CCDC92: variants seen among roughly 807,000 people sequenced by gnomAD.
The protein encoded by CCDC92 is coiled-coil domain-containing protein 92.
In CCDC92, 12 loss-of-function variants were observed where a neutral mutation model predicts 24.9. The observed-to-expected ratio is 0.48, with a 90% CI of 0.31 to 0.78. The LOEUF (loss-of-function observed/expected upper bound fraction) is 0.78, where lower values mean the gene tolerates loss of function less well. Among genes scored for constraint, CCDC92 ranks in the 30% least tolerant of loss-of-function variants. CCDC92 has a pLI of 0.05. For synonymous variants in CCDC92, 193 were observed against 196.3 expected (o/e 0.98, Z 0.14); for missense variants, 399 against 439.4 (o/e 0.91, Z 0.82).
chr12:123,936,945 C>T lies in CCDC92; in HGVS notation c.*113G>A, dbSNP rs1955515185. 5.1e-6 allele frequency: 6 copies of T among 1,165,300 alleles called. No homozygotes were observed. The highest frequency in any genetic ancestry group is 1.5e-5 in the African/African-American group (1 of 65,954). The allele number at this position is 1,165,300 out of a possible 1,614,324, so 72.2% of individuals were successfully genotyped here. A position where few individuals can be genotyped will look rare whatever the true frequency, so the allele number is the denominator to read the frequency against. On this transcript the variant is annotated 3_prime_UTR_variant, in exon 5 of 5. Coordinates refer to ENST00000238156, the MANE Select transcript of CCDC92 (RefSeq NM_025140.3). ...CAAGAGAAGCAGAAGGAGAATGGGT[C>T]GGTAGGTGTGAAAAGTGTTTGGCAT...
rs1955753264 is a variant in CCDC92 at position 123,943,491 on chromosome 12, G to A, written c.37C>T (p.Pro13Ser). The A allele has an allele frequency of 3.7e-6, 6 of 1,614,006 alleles. No individual in the cohort carries two copies. The Admixed American group carries it at 8.3e-5, about 22-fold the overall frequency. Residue 13 changes from proline to serine, a missense_variant and splice_region_variant, in exon 3 of 5, where the codon CCT (proline) becomes TCT (serine). Transcript: ENST00000238156. ...SPHFSSYDEG[P>S]LDVSMAATNL... ...GTGGCTGCCATGCTGACATCCAGAG[G>A]ACCTGTGGGTAACACAGACCCTGGC...
chr12:123,942,576 C>T (rs1348602631), intron 4 of CCDC92, among the ~76,000 whole-genome samples, 168 bp downstream of exon 4: 2 of 152,198 alleles, frequency 1.3e-5, no homozygotes, highest in Non-Finnish European at 2.9e-5. Context: ...ACTTGCAACA[C>T]GGAGGGATCC....
chr12:123,943,219 G>C (rs1955741981), intron 3 of CCDC92, 128 bp downstream of exon 3: 1 of 955,148 alleles, frequency 1.0e-6, no homozygotes, highest in Non-Finnish European at 1.5e-6. Context: ...GATGATATAA[G>C]GCATTCAGAT....
intron 4 of CCDC92, among the ~76,000 whole-genome samples, chr12:123,941,405 C>T (rs1235779266): frequency 3.3e-5 from 5 of 152,166 alleles, no homozygotes; most frequent in Admixed American, 2.6e-4. Context: ...TCCTGGGTGG[C>T]GCACTCAGGA....
chr12:123,967,191 G>A (rs1956413577), intron 1 of CCDC92, among the ~76,000 whole-genome samples: 2 of 151,860 alleles, frequency 1.3e-5, no homozygotes, highest in Non-Finnish European at 2.9e-5. Flanking sequence ...GCATGTCAAT[G>A]AGCAAGTACC....
chr12:123,958,813 G>T (rs1346643130), intron 1 of CCDC92, among the ~76,000 whole-genome samples: 1 of 152,042 alleles, frequency 6.6e-6, no homozygotes, highest in East Asian at 1.9e-4. Flanking sequence ...GTATTTTTTT[G>T]GTGCTTTGTA....
At chr12:123,940,761 C>A (rs909624401) in intron 4 of CCDC92, among the ~76,000 whole-genome samples, 38 of 152,190 alleles carry the variant, frequency 2.5e-4, no homozygotes, top group African/African-American at 8.9e-4. Flanking sequence ...TCTAAACCTG[C>A]GCACTCCCTG....
intron 4 of CCDC92, 75 bp downstream of exon 4, chr12:123,942,669 G>C (rs1566149554): frequency 1.8e-6 from 2 of 1,090,416 alleles, no homozygotes; most frequent in South Asian, 1.2e-5. Context: ...CTAAGTGTGT[G>C]ACTAGTGAAA....
At chr12:123,942,237 T>C (rs1208533276) in intron 4 of CCDC92, among the ~76,000 whole-genome samples, 1 of 152,182 alleles carries the variant, frequency 6.6e-6, no homozygotes, top group Non-Finnish European at 1.5e-5. Context: ...TGGGGAGGGT[T>C]CTGGGGCTGT....
chr12:123,955,592 A>G (rs549282514), intron 1 of CCDC92, among the ~76,000 whole-genome samples: 3 of 152,252 alleles, frequency 2.0e-5, no homozygotes, highest in Admixed American at 2.0e-4. Flanking sequence ...GGGTCTGCCT[A>G]ATTATAGTAC....
At chr12:123,941,278 G>A (rs1026545742) in intron 4 of CCDC92, among the ~76,000 whole-genome samples, 14 of 152,142 alleles carry the variant, frequency 9.2e-5, no homozygotes, top group Admixed American at 5.2e-4. Context: ...CCAGGGCTTC[G>A]GGGGAGGTCC....
chr12:123,965,123 G>A (rs775339213), intron 1 of CCDC92, among the ~76,000 whole-genome samples: 9 of 152,136 alleles, frequency 5.9e-5, no homozygotes, highest in Non-Finnish European at 1.2e-4. Context: ...ATCAATTGAC[G>A]TATTAGGACA....
chr12:123,943,576 G>A lies in CCDC92; in HGVS notation c.35-83C>T, dbSNP rs937527363. The A allele has an allele frequency of 2.0e-6, 3 of 1,474,812 alleles. No homozygotes were observed. In the African/African-American group the frequency reaches 4.1e-5, roughly 20 times the overall value. The allele number at this position is 1,474,812 out of a possible 1,614,324, so 91.4% of individuals were successfully genotyped here. ...CCTCCTTGGCTCTGGGTGCAGAGGGGTGTGCGCCTCCCAGGAGAGAGCAGA... is the reference window on the plus strand; with the variant it reads ...CCTCCTTGGCTCTGGGTGCAGAGGGATGTGCGCCTCCCAGGAGAGAGCAGA... On this transcript the variant is annotated intron_variant, in intron 2 of 4. Transcript: ENST00000238156.
chr12:123,965,710 C>G (rs1956376419), intron 1 of CCDC92, among the ~76,000 whole-genome samples: 1 of 152,218 alleles, frequency 6.6e-6, no homozygotes, highest in Non-Finnish European at 1.5e-5. Flanking sequence ...GTCAGGGTTT[C>G]AGAGAGCCTC....
chr12:123,963,158 GC>G (rs1476128895), intron 1 of CCDC92, among the ~76,000 whole-genome samples: 1 of 152,194 alleles, frequency 6.6e-6, no homozygotes, highest in Admixed American at 6.5e-5. Flanking sequence ...CACAACAAGG[GC>G]AATCTGGCCC....
intron 1 of CCDC92, among the ~76,000 whole-genome samples, chr12:123,963,174 G>A (rs1956314224): frequency 6.6e-6 from 1 of 152,188 alleles, no homozygotes; most frequent in South Asian, 2.1e-4. Flanking sequence ...TGGCCCCAAA[G>A]GTCAAGAGAG....
At chr12:123,961,576 A>G (rs1594501668) in intron 1 of CCDC92, among the ~76,000 whole-genome samples, 1 of 152,348 alleles carries the variant, frequency 6.6e-6, no homozygotes, top group South Asian at 2.1e-4. Flanking sequence ...GAGATGGAAA[A>G]GATAAGCAAT....
At chr12:123,953,400 T>C (rs1437398630) in intron 1 of CCDC92, among the ~76,000 whole-genome samples, 2 of 152,126 alleles carry the variant, frequency 1.3e-5, no homozygotes, top group Non-Finnish European at 2.9e-5. Flanking sequence ...CTATGATAGG[T>C]TAAGTTTGTA....
intron 1 of CCDC92, among the ~76,000 whole-genome samples, chr12:123,965,032 G>A (rs558696536): frequency 4.1e-4 from 62 of 152,166 alleles, no homozygotes; most frequent in African/African-American, 1.4e-3. Flanking sequence ...CAATCCCCAC[G>A]GATGAGCTGC....
Sources: allele counts gnomAD v4.1 joint callset (sites outside exome capture counted in the v4.1 genomes callset), GRCh38; gene constraint gnomAD v4.1.1; transcripts MANE v1.5; gene names NCBI Gene and HGNC (gene_info 2026-07-23, HGNC 2026-07-21).